TMEM132E: variants seen among roughly 807,000 people sequenced by gnomAD.
The protein encoded by TMEM132E is transmembrane protein 132E.
In TMEM132E, 49 loss-of-function variants were observed where a neutral mutation model predicts 78.5. That is an observed-to-expected ratio of 0.62 (90% CI 0.50 to 0.79). The LOEUF (loss-of-function observed/expected upper bound fraction) is 0.79. Ranked by LOEUF, TMEM132E falls within the 30% of genes least tolerant of loss-of-function variation. The pLI is 0.00. For synonymous variants in TMEM132E, 715 were observed against 670.6 expected, an observed-to-expected ratio of 1.07 and a Z score of -1.02; for missense variants, 1,403 against 1,470.9, an observed-to-expected ratio of 0.95 and a Z score of 0.75.
In TMEM132E at chr17:34,626,116, T is replaced by C; in HGVS notation, c.68-11T>C. ...GACCACCCTGGGCCTCTTTCCTCTG[T>C]CTGTCCCCAGCCTCTGGCCGCTCCC... On this transcript the variant is annotated splice_polypyrimidine_tract_variant and intron_variant, in intron 1 of 8. Transcript: ENST00000631683. 6.7e-7 allele frequency: 1 copy of C among 1,498,542 alleles called. No homozygotes were observed. The highest frequency in any genetic ancestry group is 8.9e-7 in the Non-Finnish European group (1 of 1,127,990). 92.8% of individuals were successfully genotyped at this position (1,498,542 alleles called of 1,614,324 possible).
chr17:34,597,340 T>C (rs1428059796), intron 1 of TMEM132E, among the ~76,000 whole-genome samples: 1 of 151,980 alleles, frequency 6.6e-6, no homozygotes, highest in African/African-American at 2.4e-5. Flanking sequence ...AGTCTAGCTT[T>C]CCTTGTTCTG....
Position 34,637,653 on chromosome 17 carries a change from G to A in TMEM132E, c.2646G>A (p.Arg882=), listed in dbSNP as rs1180439341. The A allele has an allele frequency of 1.9e-6, 3 of 1,608,378 alleles. No individual in the cohort carries two copies. The highest frequency in any genetic ancestry group is 1.3e-5 in the African/African-American group (1 of 75,072). The change falls in exon 9 of 9, where the codon CGG becomes CGA. Residue 882 remains arginine, a synonymous_variant. Transcript: ENST00000631683. ...CCACCGGCTTCCTGCAGGTGCCACG[G>A]GGTCTGACAGACCTGGAGATCGGCA... ...PLPTGFLQVP[R]GLTDLEIGMY... is the part of the protein sequence containing the mutation.
At chr17:34,593,185 T>A (rs1482434762) in intron 1 of TMEM132E, among the ~76,000 whole-genome samples, 1 of 151,690 alleles carries the variant, frequency 6.6e-6, no homozygotes, top group Admixed American at 6.6e-5. Context: ...GGCCAGAGAA[T>A]CCCTTGAGAC....
At chr17:34,635,948 C>T (rs1454903200) in intron 7 of TMEM132E, 59 bp from the exon 8 acceptor site, 1 of 1,322,458 alleles carries the variant, frequency 7.6e-7, no homozygotes. Context: ...AGCTGGGGGT[C>T]TTGGGCAGGG....
At position 34,634,871 on chromosome 17, in the gene TMEM132E, C is replaced by A. The variant is rs746094512; in HGVS notation, c.1761C>A (p.Thr587=). ...ERRQSASRGC[T]LQYQHATLQV... Reference sequence around the variant, plus strand: ...GGCAGAGTGCAAGCCGTGGCTGCACCCTGCAGTACCAGCATGCCACCCTGC... The same window carrying A: ...GGCAGAGTGCAAGCCGTGGCTGCACACTGCAGTACCAGCATGCCACCCTGC... The change falls in exon 7 of 9, where the codon ACC becomes ACA. Residue 587 remains threonine (T), a synonymous_variant. Transcript: ENST00000631683. 4 of 1,614,048 alleles carry A rather than the reference C, an allele frequency of 2.5e-6. No homozygotes were observed. Among genetic ancestry groups the A allele is most frequent in the Non-Finnish European group, 3.4e-6 (4 of 1,180,012 alleles).
chr17:34,638,499 G>T lies in TMEM132E; in HGVS notation c.*267G>T. On this transcript the variant is annotated 3_prime_UTR_variant, in exon 9 of 9. Coordinates refer to ENST00000631683, the MANE Select transcript of TMEM132E (RefSeq NM_001304438.2). ...GGAAAGCAACCCCAGCCTCTGTTCT[G>T]CCCTTTCCAAACCTCCTCCCATCTT... The T allele has an allele frequency of 2.4e-6, 1 of 414,542 alleles. No homozygotes were observed. Among genetic ancestry groups the T allele is most frequent in the Non-Finnish European group, 4.2e-6 (1 of 235,610 alleles). The allele number at this position is 414,542 out of a possible 1,614,324, so 25.7% of individuals were successfully genotyped here. A position where few individuals can be genotyped will look rare whatever the true frequency, so the allele number is the denominator to read the frequency against.
chr17:34,620,671 T>A (rs1308527455), intron 1 of TMEM132E, among the ~76,000 whole-genome samples: 1 of 152,220 alleles, frequency 6.6e-6, no homozygotes, highest in Admixed American at 6.5e-5. Flanking sequence ...TGCGTTTCAC[T>A]CATACCAGGA....
chr17:34,630,280 T>C, intron 5 of TMEM132E, 129 bp downstream of exon 5: 1 of 972,038 alleles, frequency 1.0e-6, no homozygotes, highest in Non-Finnish European at 1.5e-6. Context: ...CTCCCTGTGC[T>C]GGGACCCCTT....
rs569510756 is a variant in TMEM132E, at chr17:34,612,961, C to G, written c.68-13166C>G. The stretch of plus-strand genomic sequence containing the variant: ...GTACCTAGCACTCCAGAGGCAGCCT[C>G]TAAATGTTAGGGGGACCCCATGTCC... On this transcript the variant is annotated intron_variant, in intron 1 of 8. Transcript: ENST00000631683. Among the ~76,000 whole-genome samples, 740 of 152,122 alleles carry G rather than the reference C, an allele frequency of 4.9e-3. 9 individuals carry two copies. The highest frequency in any genetic ancestry group is 0.017 in the African/African-American group (699 of 41,496).
At chr17:34,627,466 T>TCGTGTGCGCGCGCGCGCG (rs1555564400) in intron 2 of TMEM132E, among the ~76,000 whole-genome samples, 21 of 24,986 alleles carry the variant, frequency 8.4e-4, no homozygotes, top group African/African-American at 2.7e-3. Flanking sequence ...GCCAAAAGAA[T>TCGTGTGCGCGCGCGCGCG]CGTGTGTGTG....
chr17:34,632,390 T>A (rs1340305595), intron 5 of TMEM132E, among the ~76,000 whole-genome samples: 1 of 152,220 alleles, frequency 6.6e-6, no homozygotes, highest in Non-Finnish European at 1.5e-5. Context: ...TGAGAGGCCC[T>A]CACCCTGGAG....
At chr17:34,595,776 C>A (rs1230906324) in intron 1 of TMEM132E, among the ~76,000 whole-genome samples, 2 of 152,172 alleles carry the variant, frequency 1.3e-5, no homozygotes, top group Non-Finnish European at 2.9e-5. Flanking sequence ...ACAGGGGCAG[C>A]AACGCCAACA....
chr17:34,631,406 C>T (rs945290586), intron 5 of TMEM132E, among the ~76,000 whole-genome samples: 1 of 152,194 alleles, frequency 6.6e-6, no homozygotes, highest in Non-Finnish European at 1.5e-5. Context: ...GGGCCCTCAC[C>T]CAGCACCTTC....
chr17:34,606,867 C>T (rs1906429145), intron 1 of TMEM132E, among the ~76,000 whole-genome samples: 1 of 152,216 alleles, frequency 6.6e-6, no homozygotes, highest in South Asian at 2.1e-4. Context: ...CCTCCTCTCC[C>T]CACTCACTCG....
rs140083703 is a variant in TMEM132E at position 34,597,178 on chromosome 17, C to A, written c.67+16035C>A. 7.2e-5 allele frequency among the ~76,000 whole-genome samples: 11 copies of A among 152,236 alleles called. No individual in the cohort carries two copies. The East Asian group carries it at 2.1e-3, about 30-fold the overall frequency. ...GACTGGGGAGTTTCCCAGGGGAGAC[C>A]TGCACTTCCCTCATCAGTCTGGGGA... On this transcript the variant is annotated intron_variant, in intron 1 of 8. Transcript: ENST00000631683.
intron 4 of TMEM132E, among the ~76,000 whole-genome samples, chr17:34,629,648 GT>G (rs1426636942): frequency 2.0e-5 from 3 of 152,174 alleles, no homozygotes; most frequent in Non-Finnish European, 4.4e-5. Flanking sequence ...TGGAATGATT[GT>G]CTGGGGCCAG....
intron 1 of TMEM132E, among the ~76,000 whole-genome samples, chr17:34,622,587 G>A (rs1483544283): frequency 6.6e-6 from 1 of 152,212 alleles, no homozygotes; most frequent in African/African-American, 2.4e-5. Flanking sequence ...TAGGCCTGGT[G>A]CCAGGAGCCC....
chr17:34,583,195 C>T (rs896998204), intron 1 of TMEM132E, among the ~76,000 whole-genome samples: 2 of 152,236 alleles, frequency 1.3e-5, no homozygotes, highest in African/African-American at 4.8e-5. Context: ...AGTGACAGCA[C>T]ACCTAGGGCA....
chr17:34,628,515 G>T, intron 2 of TMEM132E, 48 bp from the exon 3 acceptor site: 1 of 1,606,716 alleles, frequency 6.2e-7, no homozygotes, highest in Non-Finnish European at 8.5e-7. Flanking sequence ...AGGCAGCTTT[G>T]GGCTGTAGCC....
Sources: allele counts gnomAD v4.1 joint callset (sites outside exome capture counted in the v4.1 genomes callset), GRCh38; gene constraint gnomAD v4.1.1; transcripts MANE v1.5; gene names NCBI Gene and HGNC (gene_info 2026-07-23, HGNC 2026-07-21).